The following STK3 variants were observed in gnomAD, a reference collection of about 807,000 sequenced individuals.
The protein encoded by STK3 is serine/threonine kinase 3.
A neutral mutation model predicts 58.0 loss-of-function variants in STK3; 41 were observed. The ratio of observed to expected loss-of-function variants is 0.71; its 90% CI spans 0.55 to 0.92. STK3 has a LOEUF of 0.92. STK3 is among the 40% of genes least tolerant of loss of function. The pLI is 0.00. For synonymous variants in STK3, 170 were observed against 191.0 expected (o/e 0.89, Z 0.91); for missense variants, 479 against 602.7 (o/e 0.79, Z 2.15).
At position 98,792,310 on chromosome 8, in the gene STK3, C is replaced by A. The variant is rs186981232; in HGVS notation, c.27-17491G>T. Among the ~76,000 whole-genome samples the A allele has an allele frequency of 5.0e-3, 756 of 152,190 alleles. 6 individuals are homozygous for A. The highest frequency in any genetic ancestry group is 7.8e-3 in the Non-Finnish European group (528 of 68,004). On this transcript the variant is annotated intron_variant, in intron 1 of 10. Transcript: ENST00000419617. ...ATAATCAAAAAATAATTGATGTTGT[C>A]GGGGATGGAGTGAACAGGGAACACT...
chr8:98,669,740 T>C (rs1324578469), intron 6 of STK3, among the ~76,000 whole-genome samples: 1 of 152,154 alleles, frequency 6.6e-6, no homozygotes, highest in Non-Finnish European at 1.5e-5. Context: ...AAAGTATCAG[T>C]CCCTACAACA....
At chr8:98,841,684 A>G (rs1352113717) in intron 3 of STK3, among the ~76,000 whole-genome samples, 4 of 131,804 alleles carry the variant, frequency 3.0e-5, no homozygotes, top group African/African-American at 7.6e-5. Context: ...CTGGTCTCAA[A>G]AAAAAAAAAA....
chr8:98,914,902 C>T (rs1196225949), intron 1 of STK3, among the ~76,000 whole-genome samples: 1 of 152,184 alleles, frequency 6.6e-6, no homozygotes, highest in African/African-American at 2.4e-5. Flanking sequence ...TCCAGGACTA[C>T]ATTTTAAAAA....
rs187532359 is a variant in STK3, at chr8:98,491,271, G to C, written c.1318-35271C>G. Among the ~76,000 whole-genome samples the C allele has an allele frequency of 8.5e-4, 129 of 152,022 alleles. 1 individual carries two copies. The highest frequency in any genetic ancestry group is 9.4e-4 in the Non-Finnish European group (64 of 67,944). On this transcript the variant is annotated intron_variant, in intron 10 of 10. Transcript: ENST00000419617. Reference sequence around the variant, plus strand: ...CAGACACTTATTTTGTAATTTGGTAGTATTTAAAAAAATGTTATTTCAAAT... The same window carrying C: ...CAGACACTTATTTTGTAATTTGGTACTATTTAAAAAAATGTTATTTCAAAT...
At chr8:98,885,408 T>G (rs1371624175) in intron 1 of STK3, among the ~76,000 whole-genome samples, 1 of 152,178 alleles carries the variant, frequency 6.6e-6, no homozygotes, top group Non-Finnish European at 1.5e-5. Context: ...TCTTAGAGTT[T>G]TATGATTTAG....
intron 6 of STK3, among the ~76,000 whole-genome samples, chr8:98,650,349 C>A (rs192925994): frequency 6.6e-6 from 1 of 152,206 alleles, no homozygotes; most frequent in East Asian, 1.9e-4. Flanking sequence ...GAAGAATGGC[C>A]CGGAGGGCAG....
chr8:98,594,154 A>C (rs1287916106), intron 7 of STK3, among the ~76,000 whole-genome samples: 1 of 152,132 alleles, frequency 6.6e-6, no homozygotes, highest in Non-Finnish European at 1.5e-5. Context: ...GAAACAGACA[A>C]AAGTTAGCTG....
chr8:98,527,296 T>C (rs1825820072), intron 9 of STK3, among the ~76,000 whole-genome samples: 1 of 152,152 alleles, frequency 6.6e-6, no homozygotes. Context: ...AAGCCTGCAT[T>C]GCTATTGTTA....
downstream of STK3, chr8:98,882,348 TA>T (rs1345421295): frequency 6.6e-6 from 1 of 151,934 alleles, no homozygotes; most frequent in Non-Finnish European, 1.5e-5. Context: ...ATTGAAGAGG[TA>T]AAAAATAATC....
chr8:98,535,456 A>ATTT (rs34779344), intron 9 of STK3, among the ~76,000 whole-genome samples: 1 of 143,752 alleles, frequency 7.0e-6, no homozygotes, highest in Non-Finnish European at 1.5e-5. Context: ...GCTTTCATTA[A>ATTT]TTTTTTTTTT....
chr8:98,601,552 T>C (rs1452966521), intron 6 of STK3: 4 of 152,176 alleles, frequency 2.6e-5, no homozygotes, highest in Admixed American at 2.6e-4. Context: ...ATTAACTTCT[T>C]CAAGAAATTT....
intron 10 of STK3, among the ~76,000 whole-genome samples, chr8:98,523,405 C>T (rs768096719): frequency 4.8e-5 from 7 of 144,458 alleles, no homozygotes; most frequent in South Asian, 2.2e-4. Flanking sequence ...GACAGAGTCT[C>T]GCTCTGTCAC....
chr8:98,401,018 G>A (rs919673482), downstream of STK3, among the ~76,000 whole-genome samples: 1 of 152,100 alleles, frequency 6.6e-6, no homozygotes, highest in Non-Finnish European at 1.5e-5. Context: ...AACTGATGGA[G>A]TGCATATAAT....
chr8:98,528,083 C>G (rs1171587605), intron 9 of STK3, among the ~76,000 whole-genome samples: 1 of 152,184 alleles, frequency 6.6e-6, no homozygotes, highest in East Asian at 1.9e-4. Context: ...GTACAGTTAA[C>G]TATAACCCCT....
intron 2 of STK3, among the ~76,000 whole-genome samples, chr8:98,435,843 C>T (rs899675801): frequency 6.6e-6 from 1 of 152,088 alleles, no homozygotes; most frequent in Non-Finnish European, 1.5e-5. Flanking sequence ...GAGAAGGGGC[C>T]CTTGGGGATG....
intron 9 of STK3, among the ~76,000 whole-genome samples, chr8:98,544,141 T>A (rs994325087): frequency 6.6e-6 from 1 of 151,726 alleles, no homozygotes; most frequent in Non-Finnish European, 1.5e-5. Flanking sequence ...AAGCTGGATA[T>A]AGAAGTGAAG....
At chr8:98,468,231 G>A (rs548717403) in intron 10 of STK3, among the ~76,000 whole-genome samples, 1 of 152,218 alleles carries the variant, frequency 6.6e-6, no homozygotes, top group African/African-American at 2.4e-5. Flanking sequence ...AAATAAATTC[G>A]ATCATAGTTC....
intron 1 of STK3, among the ~76,000 whole-genome samples, chr8:98,811,034 C>T (rs191379505): frequency 6.6e-6 from 1 of 152,316 alleles, no homozygotes; most frequent in East Asian, 1.9e-4. Flanking sequence ...GTACAACCTG[C>T]AGAACCATGG....
the STK3 span, among the ~76,000 whole-genome samples, chr8:98,358,218 G>A: frequency 3.9e-5 from 6 of 152,206 alleles, no homozygotes; most frequent in East Asian, 9.6e-4. Context: ...AACACAATGC[G>A]TGAAGTGAGG....
Sources: gnomAD v4.1 joint callset for allele counts (sites outside exome capture counted in the v4.1 genomes callset) on GRCh38, gnomAD v4.1.1 for gene constraint, MANE v1.5 for transcripts, NCBI Gene and HGNC (gene_info 2026-07-23, HGNC 2026-07-21) for gene names.